Variants in RTN3 observed in about 807,000 individuals in gnomAD.
The protein encoded by RTN3 is reticulon-3.
In RTN3, 49 loss-of-function variants were observed where a neutral mutation model predicts 77.8. The ratio of observed to expected loss-of-function variants is 0.63; its 90% confidence interval spans 0.50 to 0.80. The LOEUF is 0.80. RTN3 is among the 30% of genes least tolerant of loss of function. RTN3 has a pLI of 0.00. For synonymous variants in RTN3, 464 were observed against 446.9 expected, an observed-to-expected ratio of 1.04 and a Z score of -0.48; for missense variants, 1,236 against 1,211.9, an observed-to-expected ratio of 1.02 and a Z score of -0.29.
chr11:63,738,228 C>G (rs972354778), intron 3 of RTN3, among the ~76,000 whole-genome samples: 1 of 151,812 alleles, frequency 6.6e-6, no homozygotes, highest in African/African-American at 2.4e-5. Flanking sequence ...AAAACATGGC[C>G]TTTTTTTTCC....
chr11:63,688,761 G>A (rs1462032620), intron 1 of RTN3, among the ~76,000 whole-genome samples: 1 of 152,048 alleles, frequency 6.6e-6, no homozygotes, highest in African/African-American at 2.4e-5. Context: ...AAATTATCCT[G>A]TGAGGAAATA....
At chr11:63,744,077 A>G (rs1041201725) in intron 3 of RTN3, among the ~76,000 whole-genome samples, 1 of 151,914 alleles carries the variant, frequency 6.6e-6, no homozygotes, top group African/African-American at 2.4e-5. Flanking sequence ...CCCTGTCTCT[A>G]ATAAACATAC....
chr11:63,704,977 A>C, intron 2 of RTN3, 70 bp downstream of exon 2: 1 of 1,136,434 alleles, frequency 8.8e-7, no homozygotes, highest in Non-Finnish European at 1.3e-6. Flanking sequence ...AACTGGGGAT[A>C]CGAGGCACAA....
At chr11:63,753,208 C>A in intron 6 of RTN3, 70 bp downstream of exon 6, 2 of 1,426,732 alleles carry the variant, frequency 1.4e-6, no homozygotes, top group Non-Finnish European at 2.0e-6. Flanking sequence ...AAGAGAAAGC[C>A]CAGCATGGCT....
intron 4 of RTN3, among the ~76,000 whole-genome samples, chr11:63,751,219 G>T (rs923742509): frequency 6.6e-6 from 1 of 152,196 alleles, no homozygotes; most frequent in Non-Finnish European, 1.5e-5. Flanking sequence ...CTAGAGCAGC[G>T]CTCGGTTAGA....
Position 63,684,036 on chromosome 11 carries a change from C to T in RTN3, c.142+2258C>T, listed in dbSNP as rs1590764368. ...GAGCCATCTTGGCTCACTGCAACCT[C>T]CATCTCCGGGGTTCAAATGATTCTC... On this transcript the variant is annotated intron_variant, in intron 1 of 8. Coordinates refer to ENST00000377819, the MANE Select transcript of RTN3 (RefSeq NM_001265589.2). Among the ~76,000 whole-genome samples, 3 of 143,828 alleles carry T rather than the reference C, an allele frequency of 2.1e-5. No individual in the cohort carries two copies. In the South Asian group the frequency reaches 6.8e-4, roughly 33 times the overall value. 94.4% of individuals were successfully genotyped at this position (143,828 alleles called of 152,430 possible).
intron 3 of RTN3, among the ~76,000 whole-genome samples, chr11:63,723,104 T>G (rs1408325794): frequency 6.6e-6 from 1 of 152,218 alleles, no homozygotes; most frequent in African/African-American, 2.4e-5. Flanking sequence ...ATGCTAATTA[T>G]TAGTGATTAT....
chr11:63,729,460 G>GTT (rs1223266871), intron 3 of RTN3, among the ~76,000 whole-genome samples: 2 of 49,252 alleles, frequency 4.1e-5, no homozygotes, highest in Non-Finnish European at 3.6e-5. Flanking sequence ...TTTTTTTTTT[G>GTT]TTTGTTTGAG....
At chr11:63,703,782 T>C (rs1942364132) in intron 1 of RTN3, among the ~76,000 whole-genome samples, 1 of 151,936 alleles carries the variant, frequency 6.6e-6, no homozygotes, top group Non-Finnish European at 1.5e-5. Context: ...GACCTCGTGA[T>C]CCGCCTGCCT....
chr11:63,712,064 TG>T (rs1160429811), intron 2 of RTN3, among the ~76,000 whole-genome samples: 1 of 152,254 alleles, frequency 6.6e-6, no homozygotes, highest in Non-Finnish European at 1.5e-5. Context: ...GCATTTGGTT[TG>T]TACCAACGTA....
intron 3 of RTN3, chr11:63,746,989 T>G (rs1565341891): frequency 2.2e-6 from 1 of 456,074 alleles, no homozygotes; most frequent in African/African-American, 2.0e-5. Flanking sequence ...CCTGTCTCCT[T>G]ACTCTCCTTT....
chr11:63,731,638 A>G (rs577893961), intron 3 of RTN3, among the ~76,000 whole-genome samples: 1 of 152,212 alleles, frequency 6.6e-6, no homozygotes, highest in East Asian at 1.9e-4. Flanking sequence ...GGGAAATTAT[A>G]TAGCTTTATT....
intron 1 of RTN3, among the ~76,000 whole-genome samples, chr11:63,701,221 T>G (rs1446155877): frequency 6.6e-6 from 1 of 152,176 alleles, no homozygotes; most frequent in East Asian, 1.9e-4. Flanking sequence ...GTTGTTTCTG[T>G]TTTTTTCCTG....
At chr11:63,694,715 C>G (rs1038750186) in intron 1 of RTN3, among the ~76,000 whole-genome samples, 3 of 152,194 alleles carry the variant, frequency 2.0e-5, no homozygotes, top group African/African-American at 7.2e-5. Context: ...ACCTCAGCCT[C>G]CCAACGTGCT....
chr11:63,750,732 TTTTG>T (rs1162838750), intron 4 of RTN3, among the ~76,000 whole-genome samples: 3 of 147,038 alleles, frequency 2.0e-5, no homozygotes, highest in Admixed American at 1.4e-4. Context: ...TTTTTTTGTT[TTTTG>T]TTTGTGTGTT....
Position 63,752,589 on chromosome 11 carries a change from G to A in RTN3, c.2821G>A (p.Ala941Thr), listed in dbSNP as rs1211971903. 3 of 1,613,712 alleles carry A rather than the reference G, an allele frequency of 1.9e-6. No homozygotes were observed. Among genetic ancestry groups the A allele is most frequent in the Non-Finnish European group, 2.5e-6 (3 of 1,179,850 alleles). Residue 941 changes from alanine (A) to threonine (T), a missense_variant, in exon 5 of 9, where the codon GCC becomes ACC. This residue lies in a region of RTN3 where 141 missense variants were observed against 154.9 expected (regional missense o/e 0.91). Transcript: ENST00000377819. ...MNAAMVHINR[A>T]LKLIIRLFLV... Reference sequence around the variant, plus strand: ...TGCTGCCATGGTGCACATCAACAGGGCCCTGAAACTCATTATTCGTCTCTT... The same window carrying A: ...TGCTGCCATGGTGCACATCAACAGGACCCTGAAACTCATTATTCGTCTCTT...
At chr11:63,753,207 C>A in intron 6 of RTN3, 69 bp downstream of exon 6, 2 of 1,420,442 alleles carry the variant, frequency 1.4e-6, no homozygotes, top group South Asian at 1.2e-5. Flanking sequence ...GAAGAGAAAG[C>A]CCAGCATGGC....
At chr11:63,750,875 G>A (rs1418858083) in intron 4 of RTN3, among the ~76,000 whole-genome samples, 1 of 151,984 alleles carries the variant, frequency 6.6e-6, no homozygotes, top group African/African-American at 2.4e-5. Context: ...GGGACTACAG[G>A]CACCCACCAT....
intron 3 of RTN3, among the ~76,000 whole-genome samples, chr11:63,738,497 C>G (rs1471840930): frequency 6.6e-6 from 1 of 151,976 alleles, no homozygotes; most frequent in South Asian, 2.1e-4. Flanking sequence ...AAAAAATTAG[C>G]CAGGCATGGT....
Sources: gnomAD v4.1 joint callset for allele counts (sites outside exome capture counted in the v4.1 genomes callset) on GRCh38, gnomAD v4.1.1 for gene constraint, gnomAD v4.1.1 regional missense constraint, MANE v1.5 for transcripts, NCBI Gene and HGNC (gene_info 2026-07-23, HGNC 2026-07-21) for gene names.